Variants in MIS18A observed in about 807,000 individuals in gnomAD.
MIS18A encodes the protein protein Mis18-alpha.
Under a neutral mutation model 25.0 loss-of-function variants are expected in MIS18A, and 14 were observed. The ratio of observed to expected loss-of-function variants is 0.56; its 90% CI spans 0.37 to 0.88. MIS18A has a LOEUF of 0.88. Among genes scored for constraint, MIS18A ranks in the 40% least tolerant of loss-of-function variants. The pLI, the probability that MIS18A is intolerant of heterozygous loss-of-function variation, is 0.00. For synonymous variants in MIS18A, 134 were observed against 118.6 expected (o/e 1.13, Z -0.84); for missense variants, 292 against 290.8 (o/e 1.00, Z -0.03).
At chr21:32,214,483 C>G in the MIS18A span, among the ~76,000 whole-genome samples, 1 of 152,140 alleles carries the variant, frequency 6.6e-6, no homozygotes, top group Non-Finnish European at 1.5e-5. Flanking sequence ...GACTAGTGAT[C>G]TTGTTATTAT....
At chr21:32,252,680 A>G in the MIS18A span, among the ~76,000 whole-genome samples, 1 of 152,160 alleles carries the variant, frequency 6.6e-6, no homozygotes, top group Non-Finnish European at 1.5e-5. Context: ...TACCACACTG[A>G]GTTCAAGTTT....
chr21:32,175,224 AT>A, the MIS18A span, among the ~76,000 whole-genome samples: 1 of 152,192 alleles, frequency 6.6e-6, no homozygotes, highest in African/African-American at 2.4e-5. Flanking sequence ...ACAGTAAAAA[AT>A]GATATTAAAA....
At chr21:32,265,640 C>A (rs560858226), downstream of MIS18A, among the ~76,000 whole-genome samples, 1 of 152,226 alleles carries the variant, frequency 6.6e-6, no homozygotes, top group Non-Finnish European at 1.5e-5. Context: ...CTGTGTGGCC[C>A]GAGCCTCCCC....
chr21:32,205,983 C>G, the MIS18A span, among the ~76,000 whole-genome samples: 1 of 152,170 alleles, frequency 6.6e-6, no homozygotes, highest in Non-Finnish European at 1.5e-5. Context: ...TCTCTTGATA[C>G]TGGCCAATGC....
At chr21:32,185,008 T>A in the MIS18A span, among the ~76,000 whole-genome samples, 1 of 152,076 alleles carries the variant, frequency 6.6e-6, no homozygotes, top group East Asian at 1.9e-4. Flanking sequence ...CTGTCATAGA[T>A]TCATCTCCCT....
At chr21:32,194,479 C>G in the MIS18A span, among the ~76,000 whole-genome samples, 22,852 of 151,880 alleles carry the variant, frequency 0.15, 1,829 homozygotes, top group East Asian at 0.24. Flanking sequence ...GGCCAACATG[C>G]AGAAACCCTG....
rs764052196 is a variant in MIS18A, at chr21:32,270,454, A to C, written c.477T>G (p.Leu159=). Residue 159 remains leucine (L), a synonymous_variant, in exon 3 of 5, where the codon CTT becomes CTG. Transcript: ENST00000290130. ...GGCAAAACAAGTCTCTCTTGTAATC[A>C]AGATTCTTGGGCGTGCATCTGTACA... ...GYVYRCTPKN[L]DYKRDLFCLS... The C allele has an allele frequency of 6.2e-7, 1 of 1,613,716 alleles. No individual in the cohort carries two copies. The highest frequency in any genetic ancestry group is 1.3e-5 in the African/African-American group (1 of 75,012).
the MIS18A span, among the ~76,000 whole-genome samples, chr21:32,231,833 A>G: frequency 6.6e-6 from 1 of 152,124 alleles, no homozygotes; most frequent in African/African-American, 2.4e-5. Context: ...GAATGGCGTG[A>G]ACTCAGGAGG....
chr21:32,189,685 A>T, the MIS18A span, among the ~76,000 whole-genome samples: 1 of 151,568 alleles, frequency 6.6e-6, no homozygotes, highest in South Asian at 2.1e-4. Context: ...CCACCCCAAA[A>T]CTCAGCTCCC....
Position 32,278,671 on chromosome 21 carries a change from C to A in MIS18A, c.334+10G>T. 1 of 1,528,986 alleles carries A rather than the reference C, an allele frequency of 6.5e-7. No individual in the cohort carries two copies. The highest frequency in any genetic ancestry group is 8.8e-7 in the Non-Finnish European group (1 of 1,141,946). The allele number at this position is 1,528,986 out of a possible 1,614,324, so 94.7% of individuals were successfully genotyped here. On this transcript the variant is annotated intron_variant, in intron 1 of 4. Coordinates refer to ENST00000290130, the MANE Select transcript of MIS18A (RefSeq NM_018944.3). Reference sequence around the variant, plus strand: ...CCCACGCCCCCCCTGCCCGGCTCGACCCAACTGACAGCGAAGCAGGATGCA... The same window carrying A: ...CCCACGCCCCCCCTGCCCGGCTCGAACCAACTGACAGCGAAGCAGGATGCA...
chr21:32,191,453 A>T, the MIS18A span, among the ~76,000 whole-genome samples: 6 of 152,260 alleles, frequency 3.9e-5, no homozygotes, highest in East Asian at 1.2e-3. Context: ...TTAGCCAGGC[A>T]TTGTGGTGCA....
rs528311815 is a variant in MIS18A at position 32,275,674 on chromosome 21, T to C, written c.335-778A>G. Among the ~76,000 whole-genome samples, 4 of 152,230 alleles carry C rather than the reference T, an allele frequency of 2.6e-5. No homozygotes were observed. In the South Asian group the frequency reaches 8.3e-4, roughly 32 times the overall value. On this transcript the variant is annotated intron_variant, in intron 1 of 4. Transcript: ENST00000290130. Reference sequence around the variant, plus strand: ...TAAAATGGCCAAAACAGACTCTTGATTTCACGGCCTCCTACAGTCTACCTT... The same window carrying C: ...TAAAATGGCCAAAACAGACTCTTGACTTCACGGCCTCCTACAGTCTACCTT...
the MIS18A span, among the ~76,000 whole-genome samples, chr21:32,235,736 C>T: frequency 2.0e-5 from 3 of 152,154 alleles, no homozygotes; most frequent in Admixed American, 6.5e-5. Flanking sequence ...CGTTCAGGCA[C>T]GGTTTGAGAC....
At chr21:32,218,605 T>C in the MIS18A span, among the ~76,000 whole-genome samples, 2 of 152,136 alleles carry the variant, frequency 1.3e-5, no homozygotes, top group Non-Finnish European at 2.9e-5. Flanking sequence ...TAGCTTGTCA[T>C]AAATTAAGAT....
At chr21:32,178,607 A>T in the MIS18A span, among the ~76,000 whole-genome samples, 1 of 152,214 alleles carries the variant, frequency 6.6e-6, no homozygotes, top group Non-Finnish European at 1.5e-5. Flanking sequence ...GTCAGCTATC[A>T]ATCTGTCATC....
the MIS18A span, among the ~76,000 whole-genome samples, chr21:32,230,904 T>C: frequency 6.6e-6 from 1 of 152,254 alleles, no homozygotes; most frequent in South Asian, 2.1e-4. Context: ...ATTAAAATAT[T>C]TTGTGCTTTA....
rs779035685 is a variant in MIS18A at position 32,278,776 on chromosome 21, G to C, written c.239C>G (p.Pro80Arg). The C allele has an allele frequency of 6.3e-7, 1 of 1,580,630 alleles. No individual in the cohort carries two copies. Among genetic ancestry groups the C allele is most frequent in the Non-Finnish European group, 8.6e-7 (1 of 1,168,428 alleles). ...GCAGCCGGAGCACAGGAACACCAGC[G>C]GCCTCTCCTCCGCAGCCGCCGCCTC... Reference protein sequence around the residue: ...EEEAAAAEERPLVFLCSGCRR... With the variant: ...EEEAAAAEERRLVFLCSGCRR... Residue 80 changes from proline to arginine, a missense_variant, in exon 1 of 5, where the codon CCG becomes CGG. Physicochemically the swap from Pro to Arg is moderately radical, Grantham distance 103. Coordinates refer to ENST00000290130, the MANE Select transcript of MIS18A (RefSeq NM_018944.3).
chr21:32,246,430 C>T, the MIS18A span, among the ~76,000 whole-genome samples: 3 of 152,120 alleles, frequency 2.0e-5, no homozygotes, highest in African/African-American at 7.2e-5. Context: ...ACTGTGCCTC[C>T]GAGGCACATT....
the MIS18A span, among the ~76,000 whole-genome samples, chr21:32,226,427 A>G: frequency 6.6e-6 from 1 of 152,172 alleles, no homozygotes; most frequent in Non-Finnish European, 1.5e-5. Flanking sequence ...ATTCATACAA[A>G]AGAGAGTTAG....
Sources: allele counts gnomAD v4.1 joint callset (sites outside exome capture counted in the v4.1 genomes callset), GRCh38; gene constraint gnomAD v4.1.1; transcripts MANE v1.5; gene names NCBI Gene and HGNC (gene_info 2026-07-23, HGNC 2026-07-21).